The following LMBR1 variants were observed in gnomAD, a reference collection of about 807,000 sequenced individuals.
LMBR1 encodes limb development membrane protein 1.
A neutral mutation model predicts 73.9 loss-of-function variants in LMBR1; 52 were observed. That is an observed-to-expected ratio of 0.70 (90% confidence interval 0.56 to 0.89). The LOEUF (loss-of-function observed/expected upper bound fraction) is 0.89. LMBR1 is among the 40% of genes least tolerant of loss of function. The pLI, the probability that LMBR1 is intolerant of heterozygous loss-of-function variation, is 0.00. For missense variants in LMBR1, 539 were observed against 579.8 expected (o/e 0.93, Z 0.72); for synonymous variants, 215 against 209.4 (o/e 1.03, Z -0.23).
At chr7:156,714,702 T>C (rs954478750) in intron 15 of LMBR1, among the ~76,000 whole-genome samples, 2 of 152,068 alleles carry the variant, frequency 1.3e-5, no homozygotes, top group Admixed American at 1.3e-4. Flanking sequence ...AGACTCTGAA[T>C]GGAAAGAAGG....
chr7:156,686,435 C>T (rs1171519630), intron 16 of LMBR1, among the ~76,000 whole-genome samples: 1 of 152,164 alleles, frequency 6.6e-6, no homozygotes, highest in Non-Finnish European at 1.5e-5. Context: ...TTACAAGTCT[C>T]AGCTAAATCC....
intron 1 of LMBR1, among the ~76,000 whole-genome samples, chr7:156,890,460 CAATAT>C (rs1802702241): frequency 1.3e-5 from 2 of 151,984 alleles, no homozygotes; most frequent in African/African-American, 4.8e-5. Context: ...ACCTGTATAA[CAATAT>C]AATACAAGTT....
chr7:156,831,747 T>C (rs1210735476), intron 3 of LMBR1, among the ~76,000 whole-genome samples: 1 of 152,184 alleles, frequency 6.6e-6, no homozygotes, highest in Non-Finnish European at 1.5e-5. Flanking sequence ...CACATCACCC[T>C]ATTGTCATTC....
chr7:156,836,848 G>C lies in LMBR1; in HGVS notation c.104C>G (p.Ser35Cys). 1 of 1,581,308 alleles carries C rather than the reference G, an allele frequency of 6.3e-7. No homozygotes were observed. Among genetic ancestry groups the C allele is most frequent in the Non-Finnish European group, 8.6e-7 (1 of 1,159,890 alleles). Reference sequence around the variant, plus strand: ...CTTGTATCTTGTGATGATGAAGTAGGAAACAACGTAGAGAATGGCAAAAAG... The same window carrying C: ...CTTGTATCTTGTGATGATGAAGTAGCAAACAACGTAGAGAATGGCAAAAAG... ...FLLFAILYVV[S>C]YFIITRYKRK... The change falls in exon 2 of 17, where the codon TCC (serine) becomes TGC (cysteine). Residue 35 changes from serine (S) to cysteine (C), a missense_variant. Transcript: ENST00000353442.
At chr7:156,828,027 C>T (rs757357656) in intron 3 of LMBR1, among the ~76,000 whole-genome samples, 2 of 152,190 alleles carry the variant, frequency 1.3e-5, no homozygotes, top group Non-Finnish European at 2.9e-5. Flanking sequence ...CAGCGACCAG[C>T]CAGCAAGCGG....
At chr7:156,805,342 A>G (rs112200474) in intron 4 of LMBR1, among the ~76,000 whole-genome samples, 4,810 of 150,500 alleles carry the variant, frequency 0.032, 122 homozygotes, top group South Asian at 0.085. Context: ...TCAGACTCCC[A>G]AGTAGCTGGG....
chr7:156,696,285 T>C (rs945142662), intron 15 of LMBR1, among the ~76,000 whole-genome samples: 6 of 152,328 alleles, frequency 3.9e-5, no homozygotes, highest in Admixed American at 1.3e-4. Context: ...GGTAACTAAA[T>C]GGAAGAAATA....
intron 5 of LMBR1, among the ~76,000 whole-genome samples, chr7:156,781,938 T>C (rs912230211): frequency 1.3e-5 from 2 of 152,330 alleles, no homozygotes; most frequent in Middle Eastern, 3.4e-3. Flanking sequence ...TCCAGAATGC[T>C]TTTCATATTC....
intron 1 of LMBR1, among the ~76,000 whole-genome samples, chr7:156,853,274 T>C (rs560202421): frequency 3.9e-5 from 6 of 152,092 alleles, no homozygotes; most frequent in African/African-American, 1.2e-4. Flanking sequence ...GTTGCCACAG[T>C]AGAAAATGTT....
At chr7:156,675,264 G>A (rs1803591912), downstream of LMBR1, among the ~76,000 whole-genome samples, 1 of 152,212 alleles carries the variant, frequency 6.6e-6, no homozygotes, top group South Asian at 2.1e-4. Flanking sequence ...TGGTCGGTGG[G>A]AACCACGGCA....
At chr7:156,851,738 A>G (rs1796268853) in intron 1 of LMBR1, among the ~76,000 whole-genome samples, 1 of 152,220 alleles carries the variant, frequency 6.6e-6, no homozygotes, top group South Asian at 2.1e-4. Flanking sequence ...ATAGATATAC[A>G]TAGAGGTATG....
At chr7:156,799,654 C>G (rs1197472248) in intron 4 of LMBR1, among the ~76,000 whole-genome samples, 1 of 152,114 alleles carries the variant, frequency 6.6e-6, no homozygotes, top group African/African-American at 2.4e-5. Flanking sequence ...TCTAAGTGTT[C>G]AAATGAAAGG....
At chr7:156,753,426 G>A (rs924408862) in intron 9 of LMBR1, among the ~76,000 whole-genome samples, 4 of 152,088 alleles carry the variant, frequency 2.6e-5, no homozygotes, top group African/African-American at 9.7e-5. Flanking sequence ...CCAAATGAGG[G>A]ATGTGGGTAG....
At chr7:156,862,761 G>A (rs899078783) in intron 1 of LMBR1, among the ~76,000 whole-genome samples, 1 of 152,196 alleles carries the variant, frequency 6.6e-6, no homozygotes, top group Non-Finnish European at 1.5e-5. Context: ...TCCAATCAGT[G>A]GAAGGCCTGA....
At chr7:156,809,208 C>A (rs1832673426) in intron 4 of LMBR1, among the ~76,000 whole-genome samples, 2 of 152,316 alleles carry the variant, frequency 1.3e-5, no homozygotes, top group East Asian at 3.9e-4. Flanking sequence ...ACATGAAGGA[C>A]AACCTGTAAC....
chr7:156,840,393 A>C (rs909613045), intron 1 of LMBR1, among the ~76,000 whole-genome samples: 1 of 151,800 alleles, frequency 6.6e-6, no homozygotes, highest in African/African-American at 2.4e-5. Flanking sequence ...AGACATGCAG[A>C]AATCTAGAGG....
chr7:156,854,547 G>A (rs748381391), intron 1 of LMBR1, among the ~76,000 whole-genome samples: 19 of 152,204 alleles, frequency 1.2e-4, no homozygotes, highest in Non-Finnish European at 2.5e-4. Flanking sequence ...AGAAAGGCCC[G>A]TCTGCAAGAG....
Position 156,893,062 on chromosome 7 carries a change from A to G in LMBR1, c.-69T>C. The G allele has an allele frequency of 1.4e-6, 2 of 1,390,978 alleles. No homozygotes were observed. The highest frequency in any genetic ancestry group is 3.1e-5 in the South Asian group (2 of 64,610). 86.2% of individuals were successfully genotyped at this position (1,390,978 alleles called of 1,614,324 possible). A position where few individuals can be genotyped will look rare whatever the true frequency, so the allele number is the denominator to read the frequency against. On this transcript the variant is annotated 5_prime_UTR_variant, in exon 1 of 17. Transcript: ENST00000353442. ...CGCCACACCATCGTCCGCCCGCCGC[A>G]GGGGCTCGGACAGCCGCGCCGGGGA...
At chr7:156,826,273 C>T (rs1488311352) in intron 4 of LMBR1, among the ~76,000 whole-genome samples, 1 of 152,186 alleles carries the variant, frequency 6.6e-6, no homozygotes, top group Non-Finnish European at 1.5e-5. Context: ...AGCCACCACG[C>T]CCGGCCAGTT....
Sources: gnomAD v4.1 joint callset for allele counts (sites outside exome capture counted in the v4.1 genomes callset) on GRCh38, gnomAD v4.1.1 for gene constraint, MANE v1.5 for transcripts, NCBI Gene and HGNC (gene_info 2026-07-23, HGNC 2026-07-21) for gene names.